TENM4: variants seen among roughly 807,000 people sequenced by gnomAD.
The protein encoded by TENM4 is teneurin-4.
Under a neutral mutation model 243.3 loss-of-function variants are expected in TENM4, and 82 were observed. That is an observed-to-expected ratio of 0.34 (90% CI 0.28 to 0.40). TENM4 has a LOEUF of 0.40. Ranked by LOEUF, TENM4 falls within the 10% of genes least tolerant of loss-of-function variation. TENM4 has a pLI of 1.00. For missense variants in TENM4, 3,138 were observed against 3,673.3 expected (o/e 0.85, Z 3.77); for synonymous variants, 1,412 against 1,456.3 (o/e 0.97, Z 0.69).
At chr11:78,859,978 A>G (rs140819593) in intron 10 of TENM4, among the ~76,000 whole-genome samples, 277 of 152,334 alleles carry the variant, frequency 1.8e-3, no homozygotes, top group African/African-American at 6.1e-3. Context: ...TTTCTGTCCC[A>G]TCACAACCCT....
rs147585179 is a variant in TENM4, at chr11:79,254,944, C to A, written c.-264-39035G>T. On this transcript the variant is annotated intron_variant, in intron 2 of 33. Transcript: ENST00000278550. ...GTAGAATAGAAGCTTTTCCATGCAT[C>A]CTTGAGAGCCATGGAGGGGACAAAG... Among the ~76,000 whole-genome samples the A allele has an allele frequency of 2.5e-3, 375 of 152,134 alleles. 2 individuals carry two copies. The highest frequency in any genetic ancestry group is 8.9e-3 in the African/African-American group (368 of 41,492).
At chr11:78,985,869 C>G (rs1157105869) in intron 6 of TENM4, among the ~76,000 whole-genome samples, 2 of 152,150 alleles carry the variant, frequency 1.3e-5, no homozygotes, top group African/African-American at 4.8e-5. Context: ...CCAGGCTCCC[C>G]CTCTGGGTCT....
chr11:79,341,910 C>T (rs958170819), intron 1 of TENM4, among the ~76,000 whole-genome samples: 1 of 152,184 alleles, frequency 6.6e-6, no homozygotes, highest in Non-Finnish European at 1.5e-5. Context: ...AGCAAATATA[C>T]CCTAAGCCTC....
chr11:79,250,347 T>G (rs1354114232), intron 2 of TENM4, among the ~76,000 whole-genome samples: 1 of 152,166 alleles, frequency 6.6e-6, no homozygotes, highest in Non-Finnish European at 1.5e-5. Flanking sequence ...AATGAGATAA[T>G]CCACATATAA....
intron 4 of TENM4, among the ~76,000 whole-genome samples, chr11:79,133,664 G>T (rs552975304): frequency 1.1e-4 from 16 of 152,186 alleles, no homozygotes; most frequent in Admixed American, 3.3e-4. Context: ...CTGATCAAGT[G>T]GGTTTCACAC....
chr11:79,019,210 A>G (rs1316336424), intron 6 of TENM4, among the ~76,000 whole-genome samples: 1 of 152,200 alleles, frequency 6.6e-6, no homozygotes, highest in African/African-American at 2.4e-5. Flanking sequence ...GCCTGGACCT[A>G]TTACTAGTTT....
chr11:79,192,085 G>A (rs1008438034), intron 3 of TENM4, among the ~76,000 whole-genome samples: 3 of 146,154 alleles, frequency 2.1e-5, no homozygotes, highest in Non-Finnish European at 4.5e-5. Flanking sequence ...CCGTCCGGGA[G>A]GGAGGTGGGG....
chr11:79,282,850 A>G (rs1314965548), intron 2 of TENM4, among the ~76,000 whole-genome samples: 2 of 151,954 alleles, frequency 1.3e-5, no homozygotes, highest in African/African-American at 4.8e-5. Context: ...GGCAGGAATT[A>G]TAGCATTCTG....
chr11:79,233,985 C>A (rs115994653), intron 2 of TENM4, among the ~76,000 whole-genome samples: 2 of 152,228 alleles, frequency 1.3e-5, no homozygotes, highest in South Asian at 2.1e-4. Flanking sequence ...TGGATCCCAA[C>A]GGAGGTTGTT....
In TENM4 at chr11:78,657,542, C is replaced by T. The variant is rs1385697104; in HGVS notation, c.*516G>A. On this transcript the variant is annotated 3_prime_UTR_variant, in exon 34 of 34. Transcript: ENST00000278550. Reference sequence around the variant, plus strand: ...AAATCCACCACTCTTCTGCAGGAGCCCTGCCAAGGAGCCTCAGGTCCTACA... The same window carrying T: ...AAATCCACCACTCTTCTGCAGGAGCTCTGCCAAGGAGCCTCAGGTCCTACA... The T allele has an allele frequency of 3.9e-6, 1 of 259,468 alleles. No homozygotes were observed. Among genetic ancestry groups the T allele is most frequent in the Non-Finnish European group, 7.3e-6 (1 of 137,550 alleles). 16.1% of individuals were successfully genotyped at this position (259,468 alleles called of 1,614,324 possible). A position where few individuals can be genotyped will look rare whatever the true frequency, so the allele number is the denominator to read the frequency against.
chr11:79,320,713 C>T (rs989736885), intron 1 of TENM4, among the ~76,000 whole-genome samples: 15 of 151,982 alleles, frequency 9.9e-5, no homozygotes, highest in Non-Finnish European at 1.9e-4. Context: ...TATTCTGTGC[C>T]GATAATGATG....
intron 3 of TENM4, among the ~76,000 whole-genome samples, chr11:79,183,991 A>G (rs1404389970): frequency 1.3e-5 from 2 of 152,200 alleles, no homozygotes; most frequent in Admixed American, 6.5e-5. Flanking sequence ...TGATCCAACT[A>G]TTCTATTTTT....
chr11:79,200,313 G>A (rs898717713), intron 3 of TENM4, among the ~76,000 whole-genome samples: 1 of 152,210 alleles, frequency 6.6e-6, no homozygotes, highest in Non-Finnish European at 1.5e-5. Flanking sequence ...ATCACATAGT[G>A]GGGAGAGCTA....
At chr11:79,247,416 CAAAA>C (rs34265803) in intron 2 of TENM4, among the ~76,000 whole-genome samples, 15 of 81,358 alleles carry the variant, frequency 1.8e-4, no homozygotes, top group African/African-American at 2.4e-4. Context: ...GACTCTGTCT[CAAAA>C]AAAAAAAAAA....
intron 6 of TENM4, among the ~76,000 whole-genome samples, chr11:79,013,975 A>AT (rs901480165): frequency 6.6e-6 from 1 of 151,854 alleles, no homozygotes; most frequent in Non-Finnish European, 1.5e-5. Context: ...TTCTTACTTA[A>AT]TTTTTTCTCT....
At chr11:79,101,561 G>T (rs1045402491) in intron 4 of TENM4, among the ~76,000 whole-genome samples, 1 of 152,232 alleles carries the variant, frequency 6.6e-6, no homozygotes. Flanking sequence ...GTCCTGGAGG[G>T]CTGAGTAATC....
At chr11:79,130,329 C>A (rs1194922083) in intron 4 of TENM4, among the ~76,000 whole-genome samples, 1 of 152,148 alleles carries the variant, frequency 6.6e-6, no homozygotes, top group Non-Finnish European at 1.5e-5. Flanking sequence ...AAACAATGAT[C>A]TTTAACACCC....
chr11:79,069,852 C>T lies in TENM4; in HGVS notation c.93G>A (p.Glu31=). 6.4e-7 allele frequency: 1 copy of T among 1,550,590 alleles called. No homozygotes were observed. The highest frequency in any genetic ancestry group is 8.7e-7 in the Non-Finnish European group (1 of 1,146,898). Residue 31 remains glutamate, a synonymous_variant, in exon 5 of 34, where the codon GAG becomes GAA. Transcript: ENST00000278550. ...TGTACGATTTCTGCGGGGCTTTGCC[C>T]TCCTCGCTGTCCGCGGACGAGCTGG... is the stretch of plus-strand genomic sequence containing the variant. ...RYTSSSADSE[E]GKAPQKSYSS...
chr11:79,270,061 T>C (rs1855943055), intron 2 of TENM4, among the ~76,000 whole-genome samples: 1 of 152,012 alleles, frequency 6.6e-6, no homozygotes, highest in Non-Finnish European at 1.5e-5. Flanking sequence ...CCAAGACTCC[T>C]CAGTGATTGC....
Sources: allele counts gnomAD v4.1 joint callset (sites outside exome capture counted in the v4.1 genomes callset), GRCh38; gene constraint gnomAD v4.1.1; transcripts MANE v1.5; gene names NCBI Gene and HGNC (gene_info 2026-07-23, HGNC 2026-07-21).